The following ZFP64 variants were observed in gnomAD, a reference collection of about 807,000 sequenced individuals.
ZFP64 encodes the protein ZFP64 zinc finger protein, also known as zinc finger protein 64.
In ZFP64, 14 loss-of-function variants were observed where a neutral mutation model predicts 51.6. The observed-to-expected ratio is 0.27, with a 90% CI of 0.18 to 0.42. ZFP64 has a LOEUF of 0.42. ZFP64 is among the 10% of genes least tolerant of loss of function. The probability of loss-of-function intolerance (pLI) is 1.00; values close to 1 mark genes in which losing one functional copy is unlikely to be tolerated. For synonymous variants in ZFP64, 375 were observed against 361.4 expected (o/e 1.04, Z -0.43); for missense variants, 754 against 906.8 (o/e 0.83, Z 2.16).
intron 5 of ZFP64, among the ~76,000 whole-genome samples, chr20:52,121,546 G>A (rs1306412012): frequency 6.6e-6 from 1 of 152,206 alleles, no homozygotes; most frequent in African/African-American, 2.4e-5. Context: ...AGGTGAGGAA[G>A]CTGCAGAGGA....
rs34351592 is a variant in ZFP64 at position 52,187,034 on chromosome 20, G to T, written c.84C>A (p.Pro28=). ...GGTTVLVELT[P]DIHICGICKQ... Reference sequence around the variant, plus strand: ...TGCAGATGCCGCAGATATGGATGTCGGGAGTCAGCTCCACCAGCACCGTTG... The same window carrying T: ...TGCAGATGCCGCAGATATGGATGTCTGGAGTCAGCTCCACCAGCACCGTTG... The change falls in exon 2 of 6, where the codon CCC becomes CCA. Residue 28 remains proline, a synonymous_variant. Coordinates refer to ENST00000216923, the MANE Select transcript of ZFP64 (RefSeq NM_018197.3). The T allele has an allele frequency of 6.2e-7, 1 of 1,611,804 alleles. No homozygotes were observed. The highest frequency in any genetic ancestry group is 8.5e-7 in the Non-Finnish European group (1 of 1,178,188).
chr20:52,099,005 C>CAAAA (rs58670484), intron 5 of ZFP64, among the ~76,000 whole-genome samples: 22,448 of 115,994 alleles, frequency 0.19, 2,131 homozygotes, highest in South Asian at 0.32. Context: ...CTGTCTTTAC[C>CAAAA]AAAAAAAAAA....
At chr20:52,098,545 G>A (rs770002648) in exon 6 of ZFP64, 2 of 1,614,140 alleles carry the variant, frequency 1.2e-6, no homozygotes, top group Admixed American at 3.3e-5. Context: ...GCTTTCAGTG[G>A]AGAGGCAGTT....
chr20:52,099,582 A>C (rs915551990), intron 5 of ZFP64, among the ~76,000 whole-genome samples: 1 of 152,226 alleles, frequency 6.6e-6, no homozygotes, highest in African/African-American at 2.4e-5. Context: ...ACTCACTGCA[A>C]GTTTGCTACA....
At chr20:52,098,391 C>T in intron 6 of ZFP64, 1 of 1,602,132 alleles carries the variant, frequency 6.2e-7, no homozygotes, top group Non-Finnish European at 8.5e-7. Flanking sequence ...GCTTGCAGAT[C>T]AGTGCTTGGC....
At chr20:52,113,621 G>C (rs1393738652) in intron 5 of ZFP64, among the ~76,000 whole-genome samples, 1 of 132,570 alleles carries the variant, frequency 7.5e-6, no homozygotes, top group Non-Finnish European at 1.7e-5. Flanking sequence ...TCATTTTTAG[G>C]AGAGACAGGG....
rs1344262600 is a variant in ZFP64, at chr20:52,191,220, T to C, written c.46+371A>G. 2.6e-5 allele frequency among the ~76,000 whole-genome samples: 4 copies of C among 152,138 alleles called. No homozygotes were observed. The highest frequency in any genetic ancestry group is 5.9e-5 in the Non-Finnish European group (4 of 68,004). On this transcript the variant is annotated intron_variant, in intron 1 of 5. Coordinates refer to ENST00000216923, the MANE Select transcript of ZFP64 (RefSeq NM_018197.3). This position sits in a 1 kb window ranked among gnomAD's most constrained non-coding sequence, Gnocchi z 4.3. ...ACTGAGGCAGAAGTTTTCCCATCAG[T>C]GTTGCCCCGTTTACCCTAGATTCCT...
chr20:52,119,749 C>T (rs543880859), intron 5 of ZFP64, among the ~76,000 whole-genome samples: 42 of 151,020 alleles, frequency 2.8e-4, no homozygotes, highest in Non-Finnish European at 5.5e-4. Context: ...AAAAAAACAA[C>T]CAAACAAAAA....
In ZFP64 at chr20:52,165,930, C is replaced by T. The variant is rs1982228859; in HGVS notation, c.382G>A (p.Ala128Thr). 2.5e-6 allele frequency: 4 copies of T among 1,614,078 alleles called. No homozygotes were observed. Among genetic ancestry groups the T allele is most frequent in the Non-Finnish European group, 3.4e-6 (4 of 1,180,004 alleles). Residue 128 changes from alanine to threonine, a missense_variant, in exon 3 of 6, where the codon GCC becomes ACC. Coordinates refer to ENST00000216923, the MANE Select transcript of ZFP64 (RefSeq NM_018197.3). The stretch of plus-strand genomic sequence containing the variant: ...GTGGGCTTTTTGGTGCGTGACTTGG[C>T]AGGGAGAGAGATGACAGTGGCTGTC... Reference protein sequence around the residue: ...NQTATVISLPAKSRTKKPTTP... With the variant: ...NQTATVISLPTKSRTKKPTTP...
chr20:52,151,839 G>T lies in ZFP64; in HGVS notation c.*307C>A. ...GGCTGAGGTGGGCAGATCACTTGAG[G>T]TCAGGAGTTCAACATGATGAAACCC... is the stretch of plus-strand genomic sequence containing the variant. On this transcript the variant is annotated 3_prime_UTR_variant, in exon 6 of 6. Transcript: ENST00000216923. The T allele has an allele frequency of 3.8e-6, 4 of 1,044,390 alleles. No homozygotes were observed. Among genetic ancestry groups the T allele is most frequent in the Non-Finnish European group, 4.8e-6 (4 of 836,116 alleles). 64.7% of individuals were successfully genotyped at this position (1,044,390 alleles called of 1,614,324 possible).
intron 5 of ZFP64, chr20:52,104,530 C>T: frequency 2.8e-6 from 1 of 362,130 alleles, no homozygotes; most frequent in Non-Finnish European, 5.5e-6. Flanking sequence ...CCGTCCCCCG[C>T]CCCCCACCGT....
In ZFP64 at chr20:52,162,096, G is replaced by A. The variant is rs185543776; in HGVS notation, c.512-1722C>T. On this transcript the variant is annotated intron_variant, in intron 4 of 5. Coordinates refer to ENST00000216923, the MANE Select transcript of ZFP64 (RefSeq NM_018197.3). ...GCAGATCACTTGAGGTCAGGAGTTC[G>A]AGACCAGCCTGGCCAACATGGTGAA... Among the ~76,000 whole-genome samples the A allele has an allele frequency of 2.9e-4, 44 of 151,288 alleles. 1 individual carries two copies. In the East Asian group the frequency reaches 7.1e-3, roughly 24 times the overall value.
At chr20:52,096,246 G>A (rs944724726) in intron 7 of ZFP64, among the ~76,000 whole-genome samples, 4 of 152,090 alleles carry the variant, frequency 2.6e-5, no homozygotes, top group Non-Finnish European at 5.9e-5. Flanking sequence ...ACTAAGTCCC[G>A]CTCATGTTCC....
chr20:52,094,148 G>A (rs6096746), intron 7 of ZFP64, among the ~76,000 whole-genome samples: 6,074 of 152,122 alleles, frequency 0.04, 376 homozygotes, highest in East Asian at 0.13. Context: ...GTGACTGTGG[G>A]GGATAGTGGC....
chr20:52,087,970 C>CATT (rs3035405), intron 8 of ZFP64, among the ~76,000 whole-genome samples: 85,736 of 151,774 alleles, frequency 0.56, 24,885 homozygotes, highest in African/African-American at 0.71. Context: ...TTGGTCCTAT[C>CATT]ATTTCAGTAG....
chr20:52,112,868 C>T (rs1978667444), intron 5 of ZFP64, among the ~76,000 whole-genome samples: 1 of 152,046 alleles, frequency 6.6e-6, no homozygotes, highest in African/African-American at 2.4e-5. Flanking sequence ...CCTCCCACCT[C>T]GGCCTCCCAA....
intron 5 of ZFP64, among the ~76,000 whole-genome samples, chr20:52,142,384 A>ACACACACACGCGCG (rs770440510): frequency 5.1e-4 from 53 of 104,772 alleles, no homozygotes; most frequent in African/African-American, 1.4e-3. Context: ...ACAGACACAC[A>ACACACACACGCGCG]CACACACACA....
intron 7 of ZFP64, chr20:52,088,963 A>G (rs776540183): frequency 7.3e-6 from 4 of 548,822 alleles, no homozygotes; most frequent in Non-Finnish European, 1.4e-5. Flanking sequence ...GATCTTGGGC[A>G]GCTTCATGAA....
intron 2 of ZFP64, among the ~76,000 whole-genome samples, chr20:52,185,909 C>T (rs2123128007): frequency 6.6e-6 from 1 of 152,262 alleles, no homozygotes; most frequent in South Asian, 2.1e-4. Flanking sequence ...TCTCCTTTTA[C>T]TGGTTTTAGC....
Sources: allele counts gnomAD v4.1 joint callset (sites outside exome capture counted in the v4.1 genomes callset), GRCh38; gene constraint gnomAD v4.1.1; non-coding constraint Gnocchi (gnomAD v3.1); transcripts MANE v1.5; gene names NCBI Gene and HGNC (gene_info 2026-07-23, HGNC 2026-07-21).